BRINP1: variants seen among roughly 807,000 people sequenced by gnomAD.
BRINP1 encodes the protein BMP/retinoic acid-inducible neural-specific protein 1.
A neutral mutation model predicts 72.9 loss-of-function variants in BRINP1; 17 were observed. The observed-to-expected ratio is 0.23, with a 90% CI of 0.16 to 0.35. BRINP1 has a LOEUF of 0.35. Among genes scored for constraint, BRINP1 ranks in the 10% least tolerant of loss-of-function variants. The probability of loss-of-function intolerance (pLI) is 1.00; values close to 1 mark genes in which losing one functional copy is unlikely to be tolerated. For missense variants in BRINP1, 850 were observed against 1,001.6 expected, an observed-to-expected ratio of 0.85 and a Z score of 2.04; for synonymous variants, 418 against 378.5, an observed-to-expected ratio of 1.10 and a Z score of -1.21.
At chr9:119,254,029 T>C (rs1337785333) in intron 2 of BRINP1, among the ~76,000 whole-genome samples, 1 of 152,130 alleles carries the variant, frequency 6.6e-6, no homozygotes, top group Admixed American at 6.5e-5. Flanking sequence ...AAAGTACACT[T>C]AAGTAAAAGG....
intron 2 of BRINP1, among the ~76,000 whole-genome samples, chr9:119,258,013 A>G (rs535242298): frequency 2.6e-4 from 40 of 152,276 alleles, no homozygotes; most frequent in Non-Finnish European, 4.0e-4. Context: ...AAAAAGAACT[A>G]TCTCTGAAAA....
At chr9:119,268,662 A>G (rs1285345685) in intron 2 of BRINP1, among the ~76,000 whole-genome samples, 1 of 152,114 alleles carries the variant, frequency 6.6e-6, no homozygotes, top group Non-Finnish European at 1.5e-5. Context: ...TTTACACCTT[A>G]TTTCTTTTCT....
In BRINP1 at chr9:119,167,322, C is replaced by G. The variant is rs755353628; in HGVS notation, c.2048G>C (p.Gly683Ala). 1.9e-6 allele frequency: 3 copies of G among 1,614,010 alleles called. No individual in the cohort carries two copies. The highest frequency in any genetic ancestry group is 2.5e-6 in the Non-Finnish European group (3 of 1,180,050). ...VQQVNQSYTQ[G>A]GQFYSSSSVM... ...TGACGAAGAGGAATAGAACTGGCCG[C>G]CCTGTGTGTAGGACTGGTTGACCTG... The change falls in exon 8 of 8, where the codon GGC becomes GCC. Residue 683 changes from glycine to alanine, a missense_variant. Physicochemically the swap from Gly to Ala is moderately conservative, Grantham distance 60 (BLOSUM62 0). Transcript: ENST00000265922. The surrounding 1 kb of genome is among the most constrained non-coding windows in gnomAD (Gnocchi z 4.3).
intron 1 of BRINP1, among the ~76,000 whole-genome samples, chr9:119,348,008 C>T (rs1405613444): frequency 2.6e-5 from 4 of 152,090 alleles, no homozygotes; most frequent in African/African-American, 9.7e-5. Flanking sequence ...TAGGGGTCAC[C>T]CTTTGTGTTG....
chr9:119,277,782 T>G (rs1052513803), intron 2 of BRINP1, among the ~76,000 whole-genome samples: 1 of 152,114 alleles, frequency 6.6e-6, no homozygotes, highest in Non-Finnish European at 1.5e-5. Context: ...ACATATCTAG[T>G]AATCTCTCCA....
intron 2 of BRINP1, 29 bp from the exon 3 acceptor site, chr9:119,249,179 C>T: frequency 6.3e-7 from 1 of 1,599,118 alleles, no homozygotes; most frequent in Non-Finnish European, 8.5e-7. Flanking sequence ...CAACACTTCT[C>T]AACTTACCAC....
chr9:119,342,918 T>A (rs1831418843), intron 1 of BRINP1, among the ~76,000 whole-genome samples: 1 of 152,186 alleles, frequency 6.6e-6, no homozygotes, highest in African/African-American at 2.4e-5. Flanking sequence ...TATTATAATA[T>A]TAAAGAACTG....
intron 1 of BRINP1, among the ~76,000 whole-genome samples, chr9:119,363,343 C>G (rs1363111390): frequency 6.6e-6 from 1 of 152,100 alleles, no homozygotes; most frequent in Admixed American, 6.5e-5. Context: ...CTCAAGCGAT[C>G]CTCCCACCTC....
At chr9:119,349,148 C>T (rs892748960) in intron 1 of BRINP1, among the ~76,000 whole-genome samples, 26 of 152,034 alleles carry the variant, frequency 1.7e-4, no homozygotes, top group African/African-American at 6.0e-4. Flanking sequence ...AAAACCCCCG[C>T]GTAAGAGCTT....
chr9:119,263,077 C>T (rs1830513286), intron 2 of BRINP1, among the ~76,000 whole-genome samples: 1 of 152,170 alleles, frequency 6.6e-6, no homozygotes. Context: ...ACCCCTGACT[C>T]TCCCCTCACC....
At chr9:119,235,705 A>G (rs530792435) in intron 5 of BRINP1, among the ~76,000 whole-genome samples, 1 of 152,142 alleles carries the variant, frequency 6.6e-6, no homozygotes, top group Admixed American at 6.5e-5. Context: ...GTTGACTTGA[A>G]CTGATTTATG....
chr9:119,356,202 C>G (rs534974595), intron 1 of BRINP1, among the ~76,000 whole-genome samples: 5 of 152,172 alleles, frequency 3.3e-5, no homozygotes, highest in African/African-American at 1.2e-4. Context: ...CCCAGATATC[C>G]ACCTGACTCT....
intron 7 of BRINP1, among the ~76,000 whole-genome samples, chr9:119,199,248 G>A (rs1416886808): frequency 2.6e-5 from 4 of 152,108 alleles, no homozygotes; most frequent in Non-Finnish European, 4.4e-5. Context: ...CCCACTGCAG[G>A]AGTCTATGGA....
chr9:119,243,734 C>A (rs1178451582), intron 3 of BRINP1, among the ~76,000 whole-genome samples: 2 of 151,982 alleles, frequency 1.3e-5, no homozygotes, highest in Non-Finnish European at 2.9e-5. Flanking sequence ...TCCTTTTTGT[C>A]TTTTTCAGTG....
At chr9:119,284,305 G>C (rs1201864364) in intron 2 of BRINP1, among the ~76,000 whole-genome samples, 1 of 152,202 alleles carries the variant, frequency 6.6e-6, no homozygotes, top group Non-Finnish European at 1.5e-5. Flanking sequence ...AGAATCCGAT[G>C]AAGCTGCAGT....
chr9:119,283,051 GA>G (rs1425771962), intron 2 of BRINP1: 1 of 985,434 alleles, frequency 1.0e-6, no homozygotes, highest in Non-Finnish European at 1.2e-6. Context: ...CTTGACCAAG[GA>G]TACAGAGTTA....
intron 1 of BRINP1, among the ~76,000 whole-genome samples, chr9:119,330,976 G>A (rs1321067732): frequency 1.3e-5 from 2 of 152,106 alleles, no homozygotes; most frequent in East Asian, 1.9e-4. Flanking sequence ...GCAGCGAGCC[G>A]AGATTGTGCC....
At chr9:119,348,073 T>C (rs1321708610) in intron 1 of BRINP1, among the ~76,000 whole-genome samples, 1 of 152,194 alleles carries the variant, frequency 6.6e-6, no homozygotes, top group African/African-American at 2.4e-5. Flanking sequence ...CATTATAGCA[T>C]CATACAGAAT....
At chr9:119,322,453 A>G (rs1372193069) in intron 1 of BRINP1, among the ~76,000 whole-genome samples, 1 of 152,172 alleles carries the variant, frequency 6.6e-6, no homozygotes. Flanking sequence ...AATTGTTGCT[A>G]TTGTAAATTA....
Sources: allele counts gnomAD v4.1 joint callset (sites outside exome capture counted in the v4.1 genomes callset), GRCh38; gene constraint gnomAD v4.1.1; non-coding constraint Gnocchi (gnomAD v3.1); transcripts MANE v1.5; gene names NCBI Gene and HGNC (gene_info 2026-07-23, HGNC 2026-07-21).